The following UBA6 variants were observed in gnomAD, a reference collection of about 807,000 sequenced individuals.
UBA6 encodes ubiquitin like modifier activating enzyme 6, also known as ubiquitin-like modifier-activating enzyme 6.
UBA6 carries 87 observed loss-of-function variants against 148.3 expected under a neutral mutation model. The observed-to-expected ratio is 0.59, with a 90% CI of 0.49 to 0.70. The LOEUF is 0.70. Ranked by LOEUF, UBA6 falls within the 30% of genes least tolerant of loss-of-function variation. UBA6 has a pLI of 0.00. For synonymous variants in UBA6, 376 were observed against 401.0 expected (o/e 0.94, Z 0.75); for missense variants, 1,186 against 1,241.2 (o/e 0.96, Z 0.67).
At position 67,677,606 on chromosome 4, in the gene UBA6, C is replaced by T. The variant is rs1448719648; in HGVS notation, c.465+5G>A. On this transcript the variant is annotated splice_donor_5th_base_variant and intron_variant, in intron 6 of 32. Transcript: ENST00000322244. ...ATAACATTTAATACAAAATGGAGTA[C>T]TAACCTGGTATTTATCTAAAAAGGA... 1 of 1,434,852 alleles carries T rather than the reference C, an allele frequency of 7.0e-7. No individual in the cohort carries two copies. The highest frequency in any genetic ancestry group is 1.8e-5 in the Admixed American group (1 of 55,692). The allele number at this position is 1,434,852 out of a possible 1,614,324, so 88.9% of individuals were successfully genotyped here.
At chr4:67,680,784 TCTTA>T (rs1730414209) in intron 4 of UBA6, among the ~76,000 whole-genome samples, 2 of 152,294 alleles carry the variant, frequency 1.3e-5, no homozygotes, top group South Asian at 4.1e-4. Context: ...TCTTCTCCTG[TCTTA>T]CTTGTTTACT....
At chr4:67,696,449 A>G (rs999677885) in intron 2 of UBA6, among the ~76,000 whole-genome samples, 196 bp downstream of exon 2, 1 of 125,564 alleles carries the variant, frequency 8.0e-6, no homozygotes, top group Non-Finnish European at 1.8e-5. Context: ...ACACATATAC[A>G]CATATATATA....
intron 9 of UBA6, among the ~76,000 whole-genome samples, chr4:67,666,787 A>T (rs923811818): frequency 6.6e-6 from 1 of 152,092 alleles, no homozygotes; most frequent in Admixed American, 6.6e-5. Context: ...AGGTGGGAGG[A>T]TCACTTGGGC....
In UBA6 at chr4:67,685,783, CCT is replaced by C. The variant is rs147261900; in HGVS notation, c.135-3572_135-3571del. ...AAAAGTAGGTTCAGCCCCCTATTGC[CCT>C]CTCTTACTCTTGCCCTTCTGCCTTC... is the stretch of plus-strand genomic sequence containing the variant. On this transcript the variant is annotated intron_variant, in intron 2 of 32. Coordinates refer to ENST00000322244, the MANE Select transcript of UBA6 (RefSeq NM_018227.6). Among the ~76,000 whole-genome samples the C allele has an allele frequency of 3.5e-3, 533 of 152,122 alleles. 1 individual carries two copies. The highest frequency in any genetic ancestry group is 6.1e-3 in the Non-Finnish European group (412 of 67,998).
chr4:67,653,087 C>T (rs1413436599), intron 13 of UBA6, among the ~76,000 whole-genome samples: 1 of 152,230 alleles, frequency 6.6e-6, no homozygotes. Context: ...GACTCAACCT[C>T]TGTGGGCAGG....
chr4:67,680,272 A>G (rs1730401198), intron 4 of UBA6, among the ~76,000 whole-genome samples: 1 of 152,190 alleles, frequency 6.6e-6, no homozygotes, highest in African/African-American at 2.4e-5. Context: ...CTAGGCAATA[A>G]TAATTAACAG....
chr4:67,665,413 GTTTTTTTTTGTTTGTTTGTTTTTT>G, intron 9 of UBA6, 121 bp from the exon 10 acceptor site: 1 of 407,346 alleles, frequency 2.5e-6, no homozygotes, highest in Non-Finnish European at 4.2e-6. Flanking sequence ...CCAGCATAGT[GTTTTTTTTTGTTTGTTTGTTTTTT>G]TTTTTTTTTA....
chr4:67,678,785 C>T (rs547947102), intron 4 of UBA6, among the ~76,000 whole-genome samples: 5 of 152,072 alleles, frequency 3.3e-5, no homozygotes, highest in Non-Finnish European at 5.9e-5. Context: ...GGTGAATGAG[C>T]GACTCTCATT....
At position 67,658,370 on chromosome 4, in the gene UBA6, A is replaced by C. The variant is rs114110805; in HGVS notation, c.1104+3819T>G. Among the ~76,000 whole-genome samples, 1,436 of 152,378 alleles carry C rather than the reference A, an allele frequency of 9.4e-3. 18 individuals are homozygous for C. The highest frequency in any genetic ancestry group is 0.033 in the African/African-American group (1,358 of 41,594). On this transcript the variant is annotated intron_variant, in intron 13 of 32. Coordinates refer to ENST00000322244, the MANE Select transcript of UBA6 (RefSeq NM_018227.6). ...GCAAGTATTTGTAATAACTGTATTC[A>C]TAATTGCTCAGACTGAAAACAGCCC...
intron 17 of UBA6, among the ~76,000 whole-genome samples, chr4:67,643,265 TAGG>T (rs1560484497): frequency 6.6e-6 from 1 of 151,970 alleles, no homozygotes; most frequent in Non-Finnish European, 1.5e-5. Context: ...CTATAATTCT[TAGG>T]AGACTAATTC....
rs988473389 is a variant in UBA6, at chr4:67,614,537, G to A, written c.*4460C>T. ...ATAAAACCCAGATTTTTCAATAAAC[G>A]GTAGTGAGGCATCTCCTAGCATACA... On this transcript the variant is annotated 3_prime_UTR_variant, in exon 33 of 33. Coordinates refer to ENST00000322244, the MANE Select transcript of UBA6 (RefSeq NM_018227.6). 1 of 152,086 alleles carries A rather than the reference G, an allele frequency of 6.6e-6. No homozygotes were observed. Among genetic ancestry groups the A allele is most frequent in the Non-Finnish European group, 1.5e-5 (1 of 68,030 alleles). The allele number at this position is 152,086 out of a possible 1,614,324, so 9.4% of individuals were successfully genotyped here.
chr4:67,688,112 C>A (rs1008837629), intron 2 of UBA6, among the ~76,000 whole-genome samples: 1 of 152,128 alleles, frequency 6.6e-6, no homozygotes, highest in African/African-American at 2.4e-5. Flanking sequence ...CATCTAAAGA[C>A]CTAGGAATGT....
Position 67,618,602 on chromosome 4 carries a change from AAAC to A in UBA6, c.*392_*394del, listed in dbSNP as rs1445160051. On this transcript the variant is annotated 3_prime_UTR_variant, in exon 33 of 33. Transcript: ENST00000322244. ...GCATAGAAAATCAGTCTTCAAGACT[AAAC>A]AAAAAAGAAATTCATAAAATTAAAC... The A allele has an allele frequency of 6.5e-6, 1 of 154,730 alleles. No homozygotes were observed. The highest frequency in any genetic ancestry group is 1.4e-5 in the Non-Finnish European group (1 of 69,642). The allele number at this position is 154,730 out of a possible 1,614,324, so 9.6% of individuals were successfully genotyped here.
At chr4:67,697,194 G>A in intron 1 of UBA6, among the ~76,000 whole-genome samples, 1 of 152,122 alleles carries the variant, frequency 6.6e-6, no homozygotes, top group Admixed American at 6.6e-5. Context: ...TAGTAGAGAT[G>A]GGGTTTTACC....
At position 67,639,142 on chromosome 4, in the gene UBA6, G is replaced by C. The variant is rs1376154923; in HGVS notation, c.1555-18C>G. 6.3e-7 allele frequency: 1 copy of C among 1,589,910 alleles called. No individual in the cohort carries two copies. Among genetic ancestry groups the C allele is most frequent in the African/African-American group, 1.4e-5 (1 of 73,808 alleles). ...TTAGGTTTCTAAACAAATAATATAA[G>C]CAGAAGGAATATGTTAAACAACAAA... is the stretch of plus-strand genomic sequence containing the variant. On this transcript the variant is annotated intron_variant, in intron 18 of 32. Coordinates refer to ENST00000322244, the MANE Select transcript of UBA6 (RefSeq NM_018227.6).
At chr4:67,631,833 T>G (rs1729004524) in intron 24 of UBA6, 24 bp downstream of exon 24, 1 of 1,610,924 alleles carries the variant, frequency 6.2e-7, no homozygotes, top group African/African-American at 1.3e-5. Context: ...GTCATTAAAA[T>G]TTATTCTCAA....
intron 2 of UBA6, among the ~76,000 whole-genome samples, chr4:67,695,228 C>T (rs1343253653): frequency 2.6e-5 from 4 of 152,070 alleles, no homozygotes; most frequent in Admixed American, 2.6e-4. Flanking sequence ...ATTAAGAATC[C>T]CAACGTAAGA....
intron 2 of UBA6, among the ~76,000 whole-genome samples, chr4:67,690,960 G>T (rs746677385): frequency 6.6e-6 from 1 of 152,022 alleles, no homozygotes; most frequent in Non-Finnish European, 1.5e-5. Context: ...TTCTCCAAAA[G>T]AATTAGAAAC....
chr4:67,680,012 C>T (rs750577847), intron 4 of UBA6, among the ~76,000 whole-genome samples: 1 of 152,092 alleles, frequency 6.6e-6, no homozygotes, highest in South Asian at 2.1e-4. Flanking sequence ...ATGAGTTTAT[C>T]ATAATGTACA....
Sources: gnomAD v4.1 joint callset for allele counts (sites outside exome capture counted in the v4.1 genomes callset) on GRCh38, gnomAD v4.1.1 for gene constraint, MANE v1.5 for transcripts, NCBI Gene and HGNC (gene_info 2026-07-23, HGNC 2026-07-21) for gene names.